The following F5 variants were observed in gnomAD, a reference collection of about 807,000 sequenced individuals.
F5 encodes the protein coagulation factor V.
A neutral mutation model predicts 216.4 loss-of-function variants in F5; 138 were observed. The ratio of observed to expected loss-of-function variants is 0.64; its 90% CI spans 0.56 to 0.73. The LOEUF is 0.73. Ranked by LOEUF, F5 falls within the 30% of genes least tolerant of loss-of-function variation. The pLI is 0.00. For missense variants in F5, 2,403 were observed against 2,674.0 expected, an observed-to-expected ratio of 0.90 and a Z score of 2.24; for synonymous variants, 916 against 930.7, an observed-to-expected ratio of 0.98 and a Z score of 0.29.
At chr1:169,544,198 C>T in intron 12 of F5, 98 bp downstream of exon 12, 1 of 957,730 alleles carries the variant, frequency 1.0e-6, no homozygotes, top group South Asian at 1.4e-5. Context: ...CAGGGAGATA[C>T]ATAGAGGAGC....
intron 11 of F5, among the ~76,000 whole-genome samples, chr1:169,546,075 A>G (rs1659994199): frequency 6.6e-6 from 1 of 152,064 alleles, no homozygotes; most frequent in Non-Finnish European, 1.5e-5. Flanking sequence ...TCCTAGCCAT[A>G]TATTCACCCT....
At chr1:169,526,659 C>A (rs113042842) in intron 17 of F5, among the ~76,000 whole-genome samples, 1 of 152,014 alleles carries the variant, frequency 6.6e-6, no homozygotes, top group South Asian at 2.1e-4. Flanking sequence ...TTATCTTCCT[C>A]AAACACACTG....
chr1:169,565,580 C>A (rs144262854), intron 3 of F5, among the ~76,000 whole-genome samples: 13 of 152,198 alleles, frequency 8.5e-5, no homozygotes, highest in Middle Eastern at 3.4e-3. Flanking sequence ...CATTAAACAT[C>A]CGGAGAAATT....
rs34108782 is a variant in F5, at chr1:169,534,005, G to T, written c.4971+2501C>A. On this transcript the variant is annotated intron_variant, in intron 14 of 24. Transcript: ENST00000367797. ...ACCCTGGACCTGGTAGTTAAAGATC[G>T]ACCCGTGACCTAATCGGTTATGTTA... is the stretch of plus-strand genomic sequence containing the variant. Among the ~76,000 whole-genome samples, 1,122 of 152,176 alleles carry T rather than the reference G, an allele frequency of 7.4e-3. 6 individuals carry two copies. Among genetic ancestry groups the T allele is most frequent in the Non-Finnish European group, 0.012 (833 of 68,008 alleles).
At chr1:169,579,136 C>T (rs756461035) in intron 2 of F5, among the ~76,000 whole-genome samples, 4 of 150,156 alleles carry the variant, frequency 2.7e-5, no homozygotes, top group Admixed American at 1.3e-4. Context: ...TCAGTTTCCT[C>T]GCCTTCCATT....
intron 8 of F5, among the ~76,000 whole-genome samples, chr1:169,551,212 G>A (rs1201853362): frequency 6.6e-6 from 1 of 152,190 alleles, no homozygotes; most frequent in Admixed American, 6.5e-5. Context: ...ACTTTGGGAG[G>A]CTGAAGCAGG....
At position 169,542,009 on chromosome 1, in the gene F5, A is replaced by G. The variant is rs1425929736; in HGVS notation, c.3081T>C (p.Ile1027=). Residue 1027 remains isoleucine, a synonymous_variant, in exon 13 of 25, where the codon ATT becomes ATC. Coordinates refer to ENST00000367797, the MANE Select transcript of F5 (RefSeq NM_000130.5). ...TCTCTTTTTTCTTTTTTCGTGTCTT[A>G]ATGAGAAACTGGCTTTTCTTCAGTC... ...KSRLKKSQFL[I]KTRKKKKEKH... The G allele has an allele frequency of 2.5e-6, 4 of 1,613,908 alleles. No individual in the cohort carries two copies. Among genetic ancestry groups the G allele is most frequent in the Non-Finnish European group, 1.7e-6 (2 of 1,179,996 alleles).
chr1:169,539,227 T>G (rs920423607), intron 13 of F5, among the ~76,000 whole-genome samples: 4 of 152,082 alleles, frequency 2.6e-5, no homozygotes, highest in Non-Finnish European at 5.9e-5. Flanking sequence ...CAACAGAGAA[T>G]CTCCTTCTGC....
chr1:169,527,298 G>C lies in F5; in HGVS notation c.5599+617C>G, dbSNP rs141605585. ...AGGTTTTTATACTGCTGCACAAGTA[G>C]ATACACTTACAAACAACTCATTGGC... On this transcript the variant is annotated intron_variant, in intron 17 of 24. Transcript: ENST00000367797. 1.2e-3 allele frequency among the ~76,000 whole-genome samples: 187 copies of C among 152,248 alleles called. 6 individuals are homozygous for C. Among genetic ancestry groups the C allele is most frequent in the Middle Eastern group, 6.8e-3 (2 of 294 alleles).
intron 14 of F5, among the ~76,000 whole-genome samples, chr1:169,531,454 G>A (rs1039922903): frequency 6.6e-6 from 1 of 152,196 alleles, no homozygotes; most frequent in African/African-American, 2.4e-5. Context: ...TGCCCTGGAG[G>A]AACAATTTGG....
rs771170519 is a variant in F5, at chr1:169,536,538, T to C, written c.4939A>G (p.Ile1647Val). 1.1e-5 allele frequency: 17 copies of C among 1,613,426 alleles called. No homozygotes were observed. Among genetic ancestry groups the C allele is most frequent in the Admixed American group, 1.7e-5 (1 of 59,960 alleles). Residue 1647 changes from isoleucine to valine, a missense_variant, in exon 14 of 25, where the codon ATT (isoleucine) becomes GTT (valine). By Grantham distance (29) the Ile-to-Val change is conservative. Coordinates refer to ENST00000367797, the MANE Select transcript of F5 (RefSeq NM_000130.5). ...ACATCATCCACTTCAGCTCTGATAATAGGACCAAGAATTCCGAGATGCTCT... is the reference window on the plus strand; with the variant it reads ...ACATCATCCACTTCAGCTCTGATAACAGGACCAAGAATTCCGAGATGCTCT... ...YEEHLGILGP[I>V]IRAEVDDVIQ...
At chr1:169,579,121 G>A (rs76287832) in intron 2 of F5, among the ~76,000 whole-genome samples, 1 of 142,528 alleles carries the variant, frequency 7.0e-6, no homozygotes, top group African/African-American at 2.6e-5. Flanking sequence ...TAAGACCCTT[G>A]TGCTTCAGTT....
intron 13 of F5, among the ~76,000 whole-genome samples, chr1:169,540,003 C>T (rs905541629): frequency 2.0e-5 from 3 of 152,044 alleles, no homozygotes; most frequent in African/African-American, 7.2e-5. Flanking sequence ...CTGCCTGGAG[C>T]AATAAGAGTC....
intron 14 of F5, among the ~76,000 whole-genome samples, chr1:169,535,693 C>A (rs374409832): frequency 2.6e-5 from 4 of 152,220 alleles, no homozygotes; most frequent in African/African-American, 9.6e-5. Context: ...AATTATCGTT[C>A]ATCTTGAAAA....
At chr1:169,550,073 A>G in intron 9 of F5, 58 bp from the exon 10 acceptor site, 1 of 1,335,842 alleles carries the variant, frequency 7.5e-7, no homozygotes, top group Non-Finnish European at 1.1e-6. Context: ...ATGATAATAA[A>G]TAAATAAATA....
chr1:169,523,123 T>A, intron 21 of F5, 74 bp downstream of exon 21: 1 of 1,517,764 alleles, frequency 6.6e-7, no homozygotes, highest in Middle Eastern at 1.7e-4. Context: ...AAATACATAA[T>A]CATTAGGTAT....
intron 3 of F5, among the ~76,000 whole-genome samples, chr1:169,563,657 T>A (rs7544132): frequency 0.24 from 36,650 of 151,984 alleles, 5,330 homozygotes; most frequent in South Asian, 0.36. Context: ...TATTTTTTTA[T>A]CCTTTATTTT....
At chr1:169,519,781 T>C (rs560412897) in intron 22 of F5, among the ~76,000 whole-genome samples, 1 of 152,304 alleles carries the variant, frequency 6.6e-6, no homozygotes, top group East Asian at 1.9e-4. Flanking sequence ...AAGCCTTAGA[T>C]TTATTGCTTC....
intron 7 of F5, among the ~76,000 whole-genome samples, chr1:169,553,327 T>C (rs1280197386): frequency 6.6e-6 from 1 of 152,176 alleles, no homozygotes; most frequent in African/African-American, 2.4e-5. Flanking sequence ...CCCTCTTTAT[T>C]ACCTTAGTTT....
Sources: gnomAD v4.1 joint callset for allele counts (sites outside exome capture counted in the v4.1 genomes callset) on GRCh38, gnomAD v4.1.1 for gene constraint, MANE v1.5 for transcripts, NCBI Gene and HGNC (gene_info 2026-07-23, HGNC 2026-07-21) for gene names.